The following HELLS variants were observed in gnomAD, a reference collection of about 807,000 sequenced individuals.
HELLS encodes helicase, lymphoid specific.
A neutral mutation model predicts 120.0 loss-of-function variants in HELLS; 32 were observed. The observed-to-expected ratio is 0.27, with a 90% CI of 0.20 to 0.36. The LOEUF is 0.36. Among genes scored for constraint, HELLS ranks in the 10% least tolerant of loss-of-function variants. The pLI is 1.00. For missense variants in HELLS, 650 were observed against 993.4 expected (o/e 0.65, Z 4.65); for synonymous variants, 341 against 323.4 (o/e 1.05, Z -0.58).
chr10:94,548,410 C>G (rs1019574486), intron 2 of HELLS, among the ~76,000 whole-genome samples: 4 of 151,772 alleles, frequency 2.6e-5, no homozygotes, highest in Non-Finnish European at 5.9e-5. Flanking sequence ...CTTCATATAC[C>G]CATTATGAGT....
Position 94,592,514 on chromosome 10 carries a change from C to T in HELLS, c.1971C>T (p.Asn657=), listed in dbSNP as rs145577611. ...TGTCTTACTCAGAGAGAGAAAAAAA[C>T]GTAAGACTACTTATGTCATACATAC... ...GSMSYSEREK[N]MHSFNTDPEV... is the part of the protein sequence containing the mutation. Residue 657 remains asparagine (N), a splice_region_variant and synonymous_variant, in exon 17 of 22, where the codon AAC becomes AAT. Transcript: ENST00000348459. 7.3e-4 allele frequency: 1,050 copies of T among 1,447,064 alleles called. 6 individuals are homozygous for T. In the African/African-American group the frequency reaches 0.013, roughly 17 times the overall value. 89.6% of individuals were successfully genotyped at this position (1,447,064 alleles called of 1,614,324 possible).
chr10:94,578,040 G>A (rs1326426124), intron 10 of HELLS, among the ~76,000 whole-genome samples: 3 of 143,810 alleles, frequency 2.1e-5, no homozygotes, highest in Admixed American at 7.2e-5. Flanking sequence ...TCCGCAGTCC[G>A]GCCTGGGCCG....
chr10:94,596,849 A>ATTTTTTT lies in HELLS; in HGVS notation c.2249-9_2249-3dup. 7.6e-7 allele frequency: 1 copy of ATTTTTTT among 1,323,088 alleles called. No individual in the cohort carries two copies. Among genetic ancestry groups the ATTTTTTT allele is most frequent in the Non-Finnish European group, 1.1e-6 (1 of 932,050 alleles). 82.0% of individuals were successfully genotyped at this position (1,323,088 alleles called of 1,614,324 possible). On this transcript the variant is annotated splice_polypyrimidine_tract_variant and intron_variant, in intron 19 of 21. Transcript: ENST00000348459. ...GGAATTTTAATGTTTTTAATTTCTC[A>ATTTTTTT]TTTTTTTTAGATCATTTCAAAGGTG...
At chr10:94,584,195 C>A in intron 12 of HELLS, 2 of 540,136 alleles carry the variant, frequency 3.7e-6, no homozygotes, top group South Asian at 7.9e-5. Context: ...TGTTTATTGA[C>A]TATTGGTAGT....
At chr10:94,580,622 CTT>C (rs953531386) in intron 10 of HELLS, among the ~76,000 whole-genome samples, 1 of 152,040 alleles carries the variant, frequency 6.6e-6, no homozygotes, top group Non-Finnish European at 1.5e-5. Flanking sequence ...GTACTATAAA[CTT>C]TTTTCATTCT....
At position 94,612,215 on chromosome 10, in the gene HELLS, T is replaced by A. The variant is rs542456654; in HGVS notation, c.*2364T>A. 37 of 152,296 alleles carry A rather than the reference T, an allele frequency of 2.4e-4. No homozygotes were observed. The South Asian group carries it at 7.7e-3, about 32-fold the overall frequency. The allele number at this position is 152,296 out of a possible 1,614,324, so 9.4% of individuals were successfully genotyped here. On this transcript the variant is annotated 3_prime_UTR_variant, in exon 10 of 10. Transcript: ENST00000371327. ...TCCTCAGGTGGTTGTGAGGATTAAG[T>A]GATACATGTAAAAAAAAGAAAGCTT...
downstream of HELLS, among the ~76,000 whole-genome samples, chr10:94,603,821 T>C (rs1179046346): frequency 1.4e-5 from 2 of 140,130 alleles, no homozygotes; most frequent in Non-Finnish European, 3.1e-5. Context: ...GCCTGTACTT[T>C]TTCTTTCTTT....
At chr10:94,606,343 T>G (rs1022745331), downstream of HELLS, among the ~76,000 whole-genome samples, 1 of 152,070 alleles carries the variant, frequency 6.6e-6, no homozygotes, top group African/African-American at 2.4e-5. Context: ...CTTCTCTGCC[T>G]AGAATTTTTT....
At chr10:94,566,609 A>G (rs1337390529) in intron 6 of HELLS, among the ~76,000 whole-genome samples, 1 of 152,034 alleles carries the variant, frequency 6.6e-6, no homozygotes, top group East Asian at 1.9e-4. Flanking sequence ...TAGTTTATTC[A>G]GAGATCTGTG....
intron 6 of HELLS, among the ~76,000 whole-genome samples, chr10:94,565,616 G>A (rs979243120): frequency 1.3e-5 from 2 of 152,080 alleles, no homozygotes; most frequent in Admixed American, 1.3e-4. Flanking sequence ...CTTGAACCCC[G>A]GAGGCGGAGG....
At chr10:94,597,666 A>C (rs1845802671) in intron 21 of HELLS, among the ~76,000 whole-genome samples, 1 of 151,834 alleles carries the variant, frequency 6.6e-6, no homozygotes, top group South Asian at 2.1e-4. Flanking sequence ...CCTAGTAGCT[A>C]GTATTACAGT....
At chr10:94,575,120 TTG>T (rs972246969) in intron 9 of HELLS, among the ~76,000 whole-genome samples, 7 of 150,084 alleles carry the variant, frequency 4.7e-5, no homozygotes, top group African/African-American at 1.5e-4. Flanking sequence ...TTTTTTTTTT[TTG>T]AAATGGAGTC....
At chr10:94,610,454 A>C (rs559250532) in exon 10 of HELLS, 2 of 152,180 alleles carry the variant, frequency 1.3e-5, no homozygotes, top group Non-Finnish European at 2.9e-5. Flanking sequence ...AAAAGACCTC[A>C]TTTGTTAACT....
chr10:94,548,234 A>G (rs1842832181), intron 2 of HELLS, among the ~76,000 whole-genome samples: 1 of 152,206 alleles, frequency 6.6e-6, no homozygotes, highest in Non-Finnish European at 1.5e-5. Flanking sequence ...ATTTTATAAT[A>G]TACAAGATTA....
At chr10:94,589,627 T>C (rs1412526388) in intron 13 of HELLS, among the ~76,000 whole-genome samples, 1 of 151,992 alleles carries the variant, frequency 6.6e-6, no homozygotes, top group Non-Finnish European at 1.5e-5. Flanking sequence ...TTTCAAAATA[T>C]TTATTGTGAT....
chr10:94,607,176 G>A (rs1846138294), intron 8 of HELLS, among the ~76,000 whole-genome samples: 1 of 151,986 alleles, frequency 6.6e-6, no homozygotes, highest in Admixed American at 6.6e-5. Flanking sequence ...AGGGGGAGTG[G>A]TAATTACTTT....
intron 8 of HELLS, 91 bp downstream of exon 8, chr10:94,574,278 C>T (rs1844327349): frequency 5.9e-6 from 5 of 845,274 alleles, no homozygotes; most frequent in South Asian, 4.8e-5. Context: ...TCATTTCTAT[C>T]ATGTTTCACT....
At chr10:94,601,191 G>A (rs1022158821) in intron 21 of HELLS, among the ~76,000 whole-genome samples, 12 of 152,056 alleles carry the variant, frequency 7.9e-5, no homozygotes, top group Non-Finnish European at 1.0e-4. Flanking sequence ...TTTTTAAAAC[G>A]TTTCTGACAA....
intron 10 of HELLS, among the ~76,000 whole-genome samples, chr10:94,579,171 G>A (rs1268852005): frequency 6.7e-6 from 1 of 149,956 alleles, no homozygotes; most frequent in African/African-American, 2.5e-5. Context: ...AAAAGCACCT[G>A]TAATTCTACC....
Sources: gnomAD v4.1 joint callset for allele counts (sites outside exome capture counted in the v4.1 genomes callset) on GRCh38, gnomAD v4.1.1 for gene constraint, MANE v1.5 for transcripts, NCBI Gene and HGNC (gene_info 2026-07-23, HGNC 2026-07-21) for gene names.